IFTAP: variants seen among roughly 807,000 people sequenced by gnomAD.
IFTAP encodes intraflagellar transport-associated protein.
A neutral mutation model predicts 19.4 loss-of-function variants in IFTAP; 19 were observed. The observed-to-expected ratio is 0.98, with a 90% CI of 0.68 to 1.44. IFTAP has a LOEUF of 1.44. Ranked by LOEUF, IFTAP falls within the 40% of genes most tolerant of loss-of-function variation. The probability of loss-of-function intolerance (pLI) is 0.00; values close to 1 mark genes in which losing one functional copy is unlikely to be tolerated. For missense variants in IFTAP, 240 were observed against 253.6 expected, an observed-to-expected ratio of 0.95 and a Z score of 0.36; for synonymous variants, 85 against 83.5, an observed-to-expected ratio of 1.02 and a Z score of -0.10.
chr11:36,652,596 A>G (rs952745635), intron 5 of IFTAP, among the ~76,000 whole-genome samples: 2 of 152,152 alleles, frequency 1.3e-5, no homozygotes, highest in Admixed American at 6.5e-5. Context: ...TATGTTGAAT[A>G]GGAGTGGTGA....
Position 36,627,963 on chromosome 11 carries a change from G to T in IFTAP, c.137-5321G>T, listed in dbSNP as rs1264366825. Among the ~76,000 whole-genome samples, 3 of 150,890 alleles carry T rather than the reference G, an allele frequency of 2.0e-5. 1 individual carries two copies. The highest frequency in any genetic ancestry group is 7.4e-5 in the African/African-American group (3 of 40,320). ...GGAAACATAACCAGTTGGAGATAGT[G>T]CCTTCATTTTTGTTTTAAAAACAAA... On this transcript the variant is annotated intron_variant, in intron 2 of 5. Coordinates refer to ENST00000334307, the MANE Select transcript of IFTAP (RefSeq NM_138787.4).
chr11:36,609,427 C>A (rs983455481), intron 1 of IFTAP, among the ~76,000 whole-genome samples: 2 of 152,150 alleles, frequency 1.3e-5, no homozygotes, highest in Non-Finnish European at 2.9e-5. Context: ...AAGTTTTTAA[C>A]AGAGCTGTCC....
chr11:36,637,288 G>A (rs1040946122), intron 4 of IFTAP, among the ~76,000 whole-genome samples: 2 of 152,182 alleles, frequency 1.3e-5, no homozygotes, highest in African/African-American at 2.4e-5. Flanking sequence ...ACACTACTCC[G>A]TGAAGGGATT....
chr11:36,631,185 G>A lies in IFTAP; in HGVS notation c.137-2099G>A, dbSNP rs571580324. On this transcript the variant is annotated intron_variant, in intron 2 of 5. Coordinates refer to ENST00000334307, the MANE Select transcript of IFTAP (RefSeq NM_138787.4). ...CACAGAAGCCAAGGTTGGGTGCTTC[G>A]CACCAGAATTTCCAAGGATTTATTG... Among the ~76,000 whole-genome samples, 5 of 151,550 alleles carry A rather than the reference G, an allele frequency of 3.3e-5. No individual in the cohort carries two copies. In the South Asian group the frequency reaches 8.3e-4, roughly 25 times the overall value.
At chr11:36,639,708 G>A (rs1486908312) in intron 4 of IFTAP, among the ~76,000 whole-genome samples, 1 of 152,144 alleles carries the variant, frequency 6.6e-6, no homozygotes, top group African/African-American at 2.4e-5. Context: ...ATGGCACCAA[G>A]CCGTTCCTGA....
intron 4 of IFTAP, among the ~76,000 whole-genome samples, chr11:36,637,573 C>G (rs1229421723): frequency 6.6e-6 from 1 of 152,084 alleles, no homozygotes; most frequent in Non-Finnish European, 1.5e-5. Context: ...GTTAAAAATG[C>G]AGATTTCTGG....
chr11:36,656,381 C>G (rs570583183), intron 5 of IFTAP, among the ~76,000 whole-genome samples: 1 of 152,036 alleles, frequency 6.6e-6, no homozygotes, highest in Non-Finnish European at 1.5e-5. Flanking sequence ...ACCAGCCTGG[C>G]CGACATGGCG....
intron 5 of IFTAP, among the ~76,000 whole-genome samples, chr11:36,656,284 A>G (rs999900921): frequency 2.0e-5 from 3 of 152,144 alleles, no homozygotes; most frequent in African/African-American, 7.2e-5. Context: ...AATCAAGAGT[A>G]AGAGGCCAGG....
chr11:36,642,105 G>A lies in IFTAP; in HGVS notation c.359-5911G>A, dbSNP rs552852133. ...GAGACTAGGATAAAATTGATAGACC[G>A]CTAGCAAGACTAATAAAGAAGAAAA... is the stretch of plus-strand genomic sequence containing the variant. On this transcript the variant is annotated intron_variant, in intron 4 of 5. Transcript: ENST00000334307. 8.6e-4 allele frequency among the ~76,000 whole-genome samples: 131 copies of A among 152,080 alleles called. 2 individuals are homozygous for A. Among genetic ancestry groups the A allele is most frequent in the African/African-American group, 3.0e-3 (125 of 41,504 alleles).
chr11:36,616,871 TA>T (rs146295616), intron 2 of IFTAP, among the ~76,000 whole-genome samples: 17,172 of 151,706 alleles, frequency 0.11, 1,150 homozygotes, highest in African/African-American at 0.17. Context: ...TAAATTTAAA[TA>T]AAAAAACTGA....
At chr11:36,629,927 A>G (rs538168186) in intron 2 of IFTAP, among the ~76,000 whole-genome samples, 9 of 151,584 alleles carry the variant, frequency 5.9e-5, no homozygotes, top group Non-Finnish European at 1.2e-4. Flanking sequence ...TCAGGTCTCA[A>G]TAACCTACTT....
intron 5 of IFTAP, among the ~76,000 whole-genome samples, chr11:36,657,930 T>A (rs543320622): frequency 2.6e-5 from 4 of 152,334 alleles, no homozygotes; most frequent in Admixed American, 2.6e-4. Flanking sequence ...TAACAAAAGA[T>A]GATAAATGGC....
At chr11:36,618,892 A>C (rs886561043) in intron 2 of IFTAP, among the ~76,000 whole-genome samples, 3 of 151,990 alleles carry the variant, frequency 2.0e-5, no homozygotes, top group Non-Finnish European at 4.4e-5. Context: ...ACGTTGCTGG[A>C]GGTCTGGACT....
intron 2 of IFTAP, among the ~76,000 whole-genome samples, chr11:36,611,409 G>C (rs1345872129): frequency 2.6e-5 from 4 of 151,900 alleles, no homozygotes; most frequent in Admixed American, 2.6e-4. Flanking sequence ...ACCTCCTCTG[G>C]TGCTTCTAAT....
intron 4 of IFTAP, among the ~76,000 whole-genome samples, chr11:36,645,955 C>G (rs1011656541): frequency 6.6e-6 from 1 of 152,094 alleles, no homozygotes; most frequent in African/African-American, 2.4e-5. Context: ...GTATAAGGTG[C>G]TATGTTAGGC....
chr11:36,633,301 A>G lies in IFTAP; in HGVS notation c.154A>G (p.Arg52Gly). 6.4e-7 allele frequency: 1 copy of G among 1,568,838 alleles called. No homozygotes were observed. Among genetic ancestry groups the G allele is most frequent in the Non-Finnish European group, 8.6e-7 (1 of 1,160,908 alleles). The part of the protein sequence containing the change: ...HLSQEDHVSK[R>G]GVFGTDSSEN... ...TATTTCAGAGGATCATGTGTCCAAAAGGGGAGTGTTTGGAACTGATTCTTC... is the reference window on the plus strand; with the variant it reads ...TATTTCAGAGGATCATGTGTCCAAAGGGGGAGTGTTTGGAACTGATTCTTC... The change falls in exon 3 of 6, where the codon AGG becomes GGG. Residue 52 changes from arginine to glycine, a missense_variant. Physicochemically the swap from Arg to Gly is moderately radical, Grantham distance 125. Coordinates refer to ENST00000334307, the MANE Select transcript of IFTAP (RefSeq NM_138787.4).
chr11:36,608,821 C>T (rs1851781145), intron 1 of IFTAP, among the ~76,000 whole-genome samples: 1 of 152,094 alleles, frequency 6.6e-6, no homozygotes, highest in Non-Finnish European at 1.5e-5. Context: ...GAAATTTTTT[C>T]CAGATAGATT....
intron 2 of IFTAP, among the ~76,000 whole-genome samples, chr11:36,614,447 C>A (rs934085209): frequency 6.7e-6 from 1 of 148,994 alleles, no homozygotes; most frequent in African/African-American, 2.5e-5. Flanking sequence ...AATGGGATGG[C>A]TGGGTTAAAT....
chr11:36,634,909 G>A (rs1268162805), intron 3 of IFTAP, among the ~76,000 whole-genome samples: 2 of 152,038 alleles, frequency 1.3e-5, no homozygotes, highest in Admixed American at 1.3e-4. Context: ...AATGAAAGGG[G>A]TGCTTTGATA....
Sources: allele counts gnomAD v4.1 joint callset (sites outside exome capture counted in the v4.1 genomes callset), GRCh38; gene constraint gnomAD v4.1.1; transcripts MANE v1.5; gene names NCBI Gene and HGNC (gene_info 2026-07-23, HGNC 2026-07-21).